TENM3: variants seen among roughly 807,000 people sequenced by gnomAD.
The protein encoded by TENM3 is teneurin transmembrane protein 3.
In TENM3, 63 loss-of-function variants were observed where a neutral mutation model predicts 255.1. The ratio of observed to expected loss-of-function variants is 0.25; its 90% confidence interval spans 0.20 to 0.30. The LOEUF (loss-of-function observed/expected upper bound fraction) is 0.30. Ranked by LOEUF, TENM3 falls within the 10% of genes least tolerant of loss-of-function variation. The pLI is 1.00. For missense variants in TENM3, 2,929 were observed against 3,461.1 expected, an observed-to-expected ratio of 0.85 and a Z score of 3.86; for synonymous variants, 1,306 against 1,322.3, an observed-to-expected ratio of 0.99 and a Z score of 0.27.
the TENM3 span, among the ~76,000 whole-genome samples, chr4:182,024,929 A>C: frequency 6.6e-6 from 1 of 152,004 alleles, no homozygotes; most frequent in Non-Finnish European, 1.5e-5. Flanking sequence ...AAAAGTGAGA[A>C]CATGCACTGC....
chr4:181,607,496 C>A, the TENM3 span, among the ~76,000 whole-genome samples: 4 of 151,582 alleles, frequency 2.6e-5, no homozygotes, highest in Admixed American at 2.0e-4. Flanking sequence ...CTCACTGCAA[C>A]CTCCACCTCC....
the TENM3 span, among the ~76,000 whole-genome samples, chr4:181,498,290 G>C: frequency 6.6e-6 from 1 of 152,114 alleles, no homozygotes; most frequent in East Asian, 1.9e-4. Context: ...ATAGTCAAGT[G>C]TGTGAAAAAA....
the TENM3 span, among the ~76,000 whole-genome samples, chr4:181,564,041 T>C: frequency 4.5e-5 from 4 of 88,610 alleles, no homozygotes; most frequent in Non-Finnish European, 6.6e-5. Flanking sequence ...TTCTTTTTTC[T>C]TTTTTTTTTT....
chr4:181,978,977 GAAAA>G, the TENM3 span, among the ~76,000 whole-genome samples: 1 of 129,412 alleles, frequency 7.7e-6, no homozygotes, highest in Non-Finnish European at 1.7e-5. Flanking sequence ...TTGCTTAAGT[GAAAA>G]AAAAAAAAAG....
At chr4:181,977,959 A>C in the TENM3 span, among the ~76,000 whole-genome samples, 2 of 152,242 alleles carry the variant, frequency 1.3e-5, no homozygotes, top group South Asian at 4.1e-4. Context: ...AAGGAGAGTG[A>C]CTGAGAGAGA....
chr4:181,913,760 A>G, the TENM3 span, among the ~76,000 whole-genome samples: 31 of 152,316 alleles, frequency 2.0e-4, no homozygotes, highest in Admixed American at 9.2e-4. Flanking sequence ...GAAGCTGAAC[A>G]TACTGACATA....
At chr4:182,749,507 G>A (rs1002410606) in intron 19 of TENM3, among the ~76,000 whole-genome samples, 17 of 152,138 alleles carry the variant, frequency 1.1e-4, no homozygotes, top group Non-Finnish European at 1.5e-5. Flanking sequence ...GCGAGTATAA[G>A]GACGGTTAAT....
At chr4:182,695,674 G>A (rs952903694) in intron 12 of TENM3, among the ~76,000 whole-genome samples, 5 of 152,122 alleles carry the variant, frequency 3.3e-5, no homozygotes, top group South Asian at 2.1e-4. Context: ...GTCCTGTGGA[G>A]CTCTGCACCA....
chr4:181,715,925 C>T, the TENM3 span, among the ~76,000 whole-genome samples: 2 of 152,198 alleles, frequency 1.3e-5, no homozygotes, highest in East Asian at 1.9e-4. Flanking sequence ...TGCCTGACTC[C>T]ACTGTTCATC....
chr4:181,592,109 C>G, the TENM3 span, among the ~76,000 whole-genome samples: 1 of 152,102 alleles, frequency 6.6e-6, no homozygotes, highest in South Asian at 2.1e-4. Context: ...GCCCAGGAAA[C>G]TTTTGCAGGT....
intron 4 of TENM3, among the ~76,000 whole-genome samples, chr4:182,605,002 A>G (rs1748268588): frequency 6.6e-6 from 1 of 152,228 alleles, no homozygotes; most frequent in South Asian, 2.1e-4. Flanking sequence ...CTAAGATATG[A>G]TACTTTTTTC....
the TENM3 span, among the ~76,000 whole-genome samples, chr4:182,087,737 C>T: frequency 2.6e-5 from 4 of 152,118 alleles, no homozygotes; most frequent in Non-Finnish European, 2.9e-5. Context: ...ATTGCCCATA[C>T]GTGGCCACAG....
At chr4:181,576,836 G>A in the TENM3 span, among the ~76,000 whole-genome samples, 34 of 119,152 alleles carry the variant, frequency 2.9e-4, no homozygotes, top group African/African-American at 9.6e-4. Flanking sequence ...TTTTTGAGAC[G>A]GAGTTCCACT....
intron 13 of TENM3, among the ~76,000 whole-genome samples, chr4:182,723,570 G>A (rs183623310): frequency 6.6e-6 from 1 of 152,274 alleles, no homozygotes; most frequent in Admixed American, 6.5e-5. Context: ...AAGAAAGTGA[G>A]AGTATTGACA....
intron 1 of TENM3, among the ~76,000 whole-genome samples, chr4:182,231,089 A>C (rs1386125627): frequency 2.6e-5 from 4 of 151,916 alleles, no homozygotes; most frequent in Non-Finnish European, 5.9e-5. Flanking sequence ...TTCCAGGGTC[A>C]GAAGAACCTC....
At chr4:181,875,349 A>T in the TENM3 span, among the ~76,000 whole-genome samples, 1 of 151,808 alleles carries the variant, frequency 6.6e-6, no homozygotes, top group African/African-American at 2.4e-5. Context: ...ATTTACCTTC[A>T]TTATTCATTA....
the TENM3 span, among the ~76,000 whole-genome samples, chr4:181,961,294 A>G: frequency 6.6e-6 from 1 of 152,244 alleles, no homozygotes; most frequent in Non-Finnish European, 1.5e-5. Context: ...ATTGTTTTAC[A>G]TGGGAGTATT....
upstream of TENM3, among the ~76,000 whole-genome samples, chr4:182,239,728 A>G (rs570397092): frequency 6.6e-6 from 1 of 152,352 alleles, no homozygotes; most frequent in African/African-American, 2.4e-5. Flanking sequence ...CAAATGAAAT[A>G]AGAAGGAAGG....
At chr4:182,566,855 A>C (rs990857102) in intron 3 of TENM3, among the ~76,000 whole-genome samples, 1 of 152,154 alleles carries the variant, frequency 6.6e-6, no homozygotes, top group Non-Finnish European at 1.5e-5. Context: ...TTGCCAGGCC[A>C]CTGTTCTTTT....
Sources: gnomAD v4.1 joint callset for allele counts (sites outside exome capture counted in the v4.1 genomes callset) on GRCh38, gnomAD v4.1.1 for gene constraint, MANE v1.5 for transcripts, NCBI Gene and HGNC (gene_info 2026-07-23, HGNC 2026-07-21) for gene names.